The following ZMYM5 variants were observed in gnomAD, a reference collection of about 807,000 sequenced individuals.
ZMYM5 encodes zinc finger MYM-type protein 5.
A neutral mutation model predicts 61.8 loss-of-function variants in ZMYM5; 41 were observed. The ratio of observed to expected loss-of-function variants is 0.66; its 90% CI spans 0.52 to 0.86. ZMYM5 has a LOEUF of 0.86. Among genes scored for constraint, ZMYM5 ranks in the 40% least tolerant of loss-of-function variants. ZMYM5 has a pLI of 0.00. For missense variants in ZMYM5, 706 were observed against 786.7 expected, an observed-to-expected ratio of 0.90 and a Z score of 1.23; for synonymous variants, 257 against 276.4, an observed-to-expected ratio of 0.93 and a Z score of 0.70.
At chr13:19,835,225 G>A (rs980202065) in intron 7 of ZMYM5, among the ~76,000 whole-genome samples, 3 of 151,992 alleles carry the variant, frequency 2.0e-5, no homozygotes, top group Non-Finnish European at 4.4e-5. Flanking sequence ...AAGCTCCTGA[G>A]CTCAAGCAAT....
intron 2 of ZMYM5, among the ~76,000 whole-genome samples, chr13:19,862,100 A>G (rs1406550582): frequency 1.3e-5 from 2 of 152,188 alleles, no homozygotes; most frequent in African/African-American, 4.8e-5. Context: ...CAACAGTAAA[A>G]AAGTTTTTCC....
chr13:19,852,110 A>G lies in ZMYM5; in HGVS notation c.71T>C (p.Met24Thr). The change falls in exon 3 of 8, where the codon ATG (methionine) becomes ACG (threonine). Residue 24 changes from methionine (M) to threonine (T), a missense_variant. By Grantham distance (81) the Met-to-Thr change is moderately conservative (BLOSUM62 -1). Coordinates refer to ENST00000337963, the MANE Select transcript of ZMYM5 (RefSeq NM_001142684.2). ...CCCTATGTCCATGAGACTAGTTGCC[A>G]TGGCCATATTCCCTAATAAAGCAGG... is the stretch of plus-strand genomic sequence containing the variant. Reference protein sequence around the residue: ...QTPALLGNMAMATSLMDIGDS... With the variant: ...QTPALLGNMATATSLMDIGDS... The G allele has an allele frequency of 6.2e-7, 1 of 1,613,682 alleles. No individual in the cohort carries two copies. The highest frequency in any genetic ancestry group is 8.5e-7 in the Non-Finnish European group (1 of 1,180,004).
At chr13:19,832,971 C>T (rs1952572241) in intron 7 of ZMYM5, among the ~76,000 whole-genome samples, 1 of 145,024 alleles carries the variant, frequency 6.9e-6, no homozygotes, top group Non-Finnish European at 1.5e-5. Flanking sequence ...TGGACTAGTG[C>T]CATCCTCCCA....
intron 2 of ZMYM5, among the ~76,000 whole-genome samples, chr13:19,860,116 A>AG: frequency 6.7e-6 from 1 of 148,204 alleles, no homozygotes; most frequent in Non-Finnish European, 1.5e-5. Context: ...AAAAAAAAAA[A>AG]AAAAAAAAGA....
chr13:19,837,744 G>A lies in ZMYM5; in HGVS notation c.950C>T (p.Ser317Phe). 1 of 1,586,716 alleles carries A rather than the reference G, an allele frequency of 6.3e-7. No homozygotes were observed. The highest frequency in any genetic ancestry group is 2.0e-5 in the Admixed American group (1 of 49,788). ...SKSFQEFYST[S>F]CLSPCENNWN... ...GTTGTTTTCACAGGGAGACAAACAA[G>A]ATGTACTATAAAATTCTTGGAAGGA... The change falls in exon 6 of 8, where the codon TCT (serine) becomes TTT (phenylalanine). Residue 317 changes from serine (S) to phenylalanine (F), a missense_variant. Transcript: ENST00000337963.
intron 7 of ZMYM5, among the ~76,000 whole-genome samples, chr13:19,827,193 G>T (rs1289110853): frequency 6.6e-6 from 1 of 152,140 alleles, no homozygotes; most frequent in Non-Finnish European, 1.5e-5. Flanking sequence ...TCTCAATAAA[G>T]TGTTTATAAA....
At chr13:19,848,532 T>A (rs1360030935) in intron 4 of ZMYM5, among the ~76,000 whole-genome samples, 2 of 150,222 alleles carry the variant, frequency 1.3e-5, no homozygotes. Flanking sequence ...CCCTCCCACC[T>A]CAGCCTCTTT....
At position 19,852,380 on chromosome 13, in the gene ZMYM5, T is replaced by G. The variant is rs181321244; in HGVS notation, c.-10-190A>C. Among the ~76,000 whole-genome samples, 506 of 152,290 alleles carry G rather than the reference T, an allele frequency of 3.3e-3. 2 individuals carry two copies. The highest frequency in any genetic ancestry group is 0.026 in the South Asian group (124 of 4,814). ...GAAATTAATTATATAATTTTGGTAG[T>G]CCTTTAAAAAATTCTAATCAATTTA... On this transcript the variant is annotated intron_variant, in intron 2 of 7. Transcript: ENST00000337963.
In ZMYM5 at chr13:19,837,685, T is replaced by C. The variant is rs762157729; in HGVS notation, c.1009A>G (p.Arg337Gly). ...NLKKGVFNKS[R>G]CTICSKLAEI... ...GCTAATTTACTACAAATTGTACATC[T>C]TGACTTATTAAAAACTCCTTTTTTA... Residue 337 changes from arginine to glycine, a missense_variant, in exon 6 of 8, where the codon AGA (arginine) becomes GGA (glycine). Coordinates refer to ENST00000337963, the MANE Select transcript of ZMYM5 (RefSeq NM_001142684.2). The C allele has an allele frequency of 1.3e-6, 2 of 1,581,214 alleles. No individual in the cohort carries two copies. Among genetic ancestry groups the C allele is most frequent in the East Asian group, 2.3e-5 (1 of 44,346 alleles).
chr13:19,832,374 T>C (rs1282913969), intron 7 of ZMYM5, among the ~76,000 whole-genome samples: 1 of 151,950 alleles, frequency 6.6e-6, no homozygotes, highest in Non-Finnish European at 1.5e-5. Context: ...TTGCCCAGGC[T>C]GGAGTGCAGT....
At position 19,823,750 on chromosome 13, in the gene ZMYM5, T is replaced by C. The variant is rs952714148; in HGVS notation, c.*727A>G. On this transcript the variant is annotated 3_prime_UTR_variant, in exon 8 of 8. Coordinates refer to ENST00000337963, the MANE Select transcript of ZMYM5 (RefSeq NM_001142684.2). ...GAGTAGTTTTACTTTAATAATAATG[T>C]TGAGAATGCTTGTTCACATAAGTAT... is the stretch of plus-strand genomic sequence containing the variant. 3.3e-5 allele frequency: 5 copies of C among 152,310 alleles called. No homozygotes were observed. The highest frequency in any genetic ancestry group is 9.6e-5 in the African/African-American group (4 of 41,574). 9.4% of individuals were successfully genotyped at this position (152,310 alleles called of 1,614,324 possible). A position where few individuals can be genotyped will look rare whatever the true frequency, so the allele number is the denominator to read the frequency against.
At chr13:19,843,595 G>A (rs776880372) in intron 4 of ZMYM5, 12 of 152,080 alleles carry the variant, frequency 7.9e-5, no homozygotes, top group Admixed American at 1.3e-4. Flanking sequence ...CCAGCACTTG[G>A]GAGGCCAAAG....
In ZMYM5 at chr13:19,835,572, A is replaced by G; in HGVS notation, c.1156T>C (p.Tyr386His). ...TTTCCAGTACTCTTACTAGGCATGTACTCTCCACAGTGTTCACAGCAGTTC... is the reference window on the plus strand; with the variant it reads ...TTTCCAGTACTCTTACTAGGCATGTGCTCTCCACAGTGTTCACAGCAGTTC... The part of the protein sequence containing the change: ...IMNCCEHCGE[Y>H]MPSKSTGNNI... Residue 386 changes from tyrosine (Y) to histidine (H), a missense_variant, in exon 7 of 8, where the codon TAC (tyrosine) becomes CAC (histidine). Tyr to His is a moderately conservative substitution (Grantham distance 83). Coordinates refer to ENST00000337963, the MANE Select transcript of ZMYM5 (RefSeq NM_001142684.2). 1 of 1,367,566 alleles carries G rather than the reference A, an allele frequency of 7.3e-7. No homozygotes were observed. The highest frequency in any genetic ancestry group is 9.8e-7 in the Non-Finnish European group (1 of 1,021,832). 84.7% of individuals were successfully genotyped at this position (1,367,566 alleles called of 1,614,324 possible).
At chr13:19,827,789 T>C (rs895616463) in intron 7 of ZMYM5, among the ~76,000 whole-genome samples, 7 of 151,858 alleles carry the variant, frequency 4.6e-5, no homozygotes, top group African/African-American at 1.7e-4. Flanking sequence ...CCCAGCACTT[T>C]GGGAGGCTGA....
intron 7 of ZMYM5, among the ~76,000 whole-genome samples, chr13:19,832,766 T>C (rs1256977589): frequency 2.0e-5 from 3 of 152,122 alleles, no homozygotes; most frequent in Non-Finnish European, 4.4e-5. Context: ...ATTAAGTCTT[T>C]TTAAATTTCG....
At chr13:19,830,700 ATTT>A (rs906584190) in intron 7 of ZMYM5, among the ~76,000 whole-genome samples, 4 of 151,520 alleles carry the variant, frequency 2.6e-5, no homozygotes, top group African/African-American at 7.3e-5. Context: ...CACCTGGCTA[ATTT>A]TTTGTAGAGA....
At chr13:19,841,011 G>A (rs1216108965) in intron 4 of ZMYM5, among the ~76,000 whole-genome samples, 2 of 62,602 alleles carry the variant, frequency 3.2e-5, no homozygotes, top group Non-Finnish European at 7.7e-5. Context: ...TTTTTTTTTT[G>A]AGACAGAGTC....
intron 4 of ZMYM5, among the ~76,000 whole-genome samples, chr13:19,850,518 T>G (rs865937978): frequency 6.6e-6 from 1 of 151,934 alleles, no homozygotes; most frequent in Non-Finnish European, 1.5e-5. Flanking sequence ...GGAGAATCAG[T>G]TGAACCCGGG....
chr13:19,829,462 G>GTT (rs898420119), intron 7 of ZMYM5, among the ~76,000 whole-genome samples: 1 of 151,750 alleles, frequency 6.6e-6, no homozygotes, highest in Non-Finnish European at 1.5e-5. Flanking sequence ...TAATTTTTAA[G>GTT]TTTTTTTTGT....
Sources: gnomAD v4.1 joint callset for allele counts (sites outside exome capture counted in the v4.1 genomes callset) on GRCh38, gnomAD v4.1.1 for gene constraint, MANE v1.5 for transcripts, NCBI Gene and HGNC (gene_info 2026-07-23, HGNC 2026-07-21) for gene names.